Variants in CDK14 observed in about 807,000 individuals in gnomAD.
CDK14 encodes cyclin-dependent kinase 14.
CDK14 carries 34 observed loss-of-function variants against 60.7 expected under a neutral mutation model. The observed-to-expected ratio is 0.56, with a 90% confidence interval of 0.43 to 0.75. CDK14 has a LOEUF of 0.75. Among genes scored for constraint, CDK14 ranks in the 30% least tolerant of loss-of-function variants. CDK14 has a pLI of 0.00. For missense variants in CDK14, 482 were observed against 564.1 expected (o/e 0.85, Z 1.47); for synonymous variants, 197 against 203.7 (o/e 0.97, Z 0.28).
rs897175927 is a variant in CDK14 at position 90,804,321 on chromosome 7, C to G, written c.544+13669C>G. ...AATATTACCAACATGAATCTTTTAC[C>G]TGGAAAAAAGATCTATAATTGTATC... On this transcript the variant is annotated intron_variant, in intron 5 of 14. Coordinates refer to ENST00000380050, the MANE Select transcript of CDK14 (RefSeq NM_001287135.2). Among the ~76,000 whole-genome samples the G allele has an allele frequency of 3.3e-5, 5 of 151,952 alleles. No homozygotes were observed. The East Asian group carries it at 9.6e-4, about 29-fold the overall frequency.
intron 5 of CDK14, among the ~76,000 whole-genome samples, chr7:90,844,195 T>A (rs1790388492): frequency 6.6e-6 from 1 of 152,152 alleles, no homozygotes; most frequent in Non-Finnish European, 1.5e-5. Flanking sequence ...TACTGGAGCC[T>A]GGAGGGAGGT....
rs149807604 is a variant in CDK14, at chr7:90,949,804, A to G, written c.827-5893A>G. 3.4e-3 allele frequency among the ~76,000 whole-genome samples: 523 copies of G among 152,348 alleles called. 6 individuals carry two copies. Among genetic ancestry groups the G allele is most frequent in the African/African-American group, 0.012 (490 of 41,586 alleles). On this transcript the variant is annotated intron_variant, in intron 8 of 14. Transcript: ENST00000380050. ...TGTTACATACAAAGGAAAGAAAAGGATATTTTAATTGTAATCTTGAAACTA... is the reference window on the plus strand; with the variant it reads ...TGTTACATACAAAGGAAAGAAAAGGGTATTTTAATTGTAATCTTGAAACTA...
chr7:90,808,513 T>C (rs1350122148), intron 5 of CDK14, among the ~76,000 whole-genome samples: 1 of 152,130 alleles, frequency 6.6e-6, no homozygotes, highest in African/African-American at 2.4e-5. Context: ...TGCAAAAACA[T>C]GCCAAGTTGT....
In CDK14 at chr7:90,951,345, G is replaced by A. The variant is rs559536815; in HGVS notation, c.827-4352G>A. ...CTCTATAATATAATATGAAACCACT[G>A]ACCAACACAAAGCTTTGGCCCATTT... On this transcript the variant is annotated intron_variant, in intron 8 of 14. Coordinates refer to ENST00000380050, the MANE Select transcript of CDK14 (RefSeq NM_001287135.2). Among the ~76,000 whole-genome samples, 188 of 152,096 alleles carry A rather than the reference G, an allele frequency of 1.2e-3. 1 individual carries two copies. Among genetic ancestry groups the A allele is most frequent in the Non-Finnish European group, 2.5e-3 (168 of 67,996 alleles).
At chr7:91,128,586 G>A (rs1418323746) in intron 14 of CDK14, among the ~76,000 whole-genome samples, 2 of 152,070 alleles carry the variant, frequency 1.3e-5, no homozygotes, top group Non-Finnish European at 2.9e-5. Context: ...AAACCACTTT[G>A]AGGGAAAACA....
chr7:90,969,647 C>A (rs1794861215), intron 9 of CDK14, among the ~76,000 whole-genome samples: 1 of 152,112 alleles, frequency 6.6e-6, no homozygotes, highest in Non-Finnish European at 1.5e-5. Context: ...TCTGCCTGGA[C>A]TATGCTTATT....
chr7:90,845,257 C>G (rs866746796), intron 5 of CDK14, among the ~76,000 whole-genome samples: 1 of 151,998 alleles, frequency 6.6e-6, no homozygotes, highest in Non-Finnish European at 1.5e-5. Flanking sequence ...TGCATATATT[C>G]CTGAGTCTTA....
chr7:90,840,513 G>A (rs1790254327), intron 5 of CDK14, among the ~76,000 whole-genome samples: 1 of 152,168 alleles, frequency 6.6e-6, no homozygotes, highest in Non-Finnish European at 1.5e-5. Context: ...TAAGCAGGGA[G>A]AACAAGAGTT....
chr7:90,946,639 G>A (rs1794109601), intron 8 of CDK14, among the ~76,000 whole-genome samples: 1 of 152,148 alleles, frequency 6.6e-6, no homozygotes, highest in South Asian at 2.1e-4. Context: ...ATGTTTGAAA[G>A]TAGTTGCCTA....
chr7:91,089,962 G>T (rs1398204769), intron 12 of CDK14, among the ~76,000 whole-genome samples: 1 of 152,186 alleles, frequency 6.6e-6, no homozygotes, highest in African/African-American at 2.4e-5. Context: ...TGGTAGTCAA[G>T]TGGGACTTTA....
chr7:90,769,461 TTC>T (rs1294822721), intron 4 of CDK14, among the ~76,000 whole-genome samples: 1 of 121,808 alleles, frequency 8.2e-6, no homozygotes, highest in African/African-American at 3.1e-5. Context: ...TGTGATTTCT[TTC>T]TCTTTTCTTT....
Position 90,872,804 on chromosome 7 carries a change from T to A in CDK14, c.639+9535T>A, listed in dbSNP as rs73222767. Reference sequence around the variant, plus strand: ...TTCTGATCTCCAACTGTTGCTATGGTAAATGCCTGCCTATCCACAAAAGCA... The same window carrying A: ...TTCTGATCTCCAACTGTTGCTATGGAAAATGCCTGCCTATCCACAAAAGCA... On this transcript the variant is annotated intron_variant, in intron 6 of 14. Transcript: ENST00000380050. Among the ~76,000 whole-genome samples, 182 of 152,300 alleles carry A rather than the reference T, an allele frequency of 1.2e-3. 1 individual carries two copies. The highest frequency in any genetic ancestry group is 2.1e-3 in the Non-Finnish European group (141 of 68,004).
intron 14 of CDK14, among the ~76,000 whole-genome samples, chr7:91,190,348 T>C (rs1802322497): frequency 6.6e-6 from 1 of 152,180 alleles, no homozygotes; most frequent in African/African-American, 2.4e-5. Flanking sequence ...TCAGGGAAGC[T>C]GGGAAAGACA....
intron 5 of CDK14, among the ~76,000 whole-genome samples, chr7:90,825,661 T>G (rs1390481928): frequency 1.3e-5 from 2 of 152,178 alleles, no homozygotes; most frequent in Non-Finnish European, 2.9e-5. Context: ...GTTATGCAAA[T>G]TATACGAAAT....
At chr7:91,076,190 C>T (rs144409468) in intron 11 of CDK14, among the ~76,000 whole-genome samples, 1 of 124,086 alleles carries the variant, frequency 8.1e-6, no homozygotes, top group African/African-American at 3.1e-5. Context: ...AAGAACAAAG[C>T]TGGAGGCATC....
chr7:91,052,438 G>C (rs770863102), intron 11 of CDK14, among the ~76,000 whole-genome samples: 8 of 152,144 alleles, frequency 5.3e-5, no homozygotes, highest in Non-Finnish European at 1.0e-4. Flanking sequence ...ATTTTAAAAA[G>C]CAGAGAAGTA....
intron 6 of CDK14, among the ~76,000 whole-genome samples, chr7:90,879,387 A>G (rs1011456969): frequency 6.6e-6 from 1 of 152,198 alleles, no homozygotes; most frequent in Non-Finnish European, 1.5e-5. Context: ...TACTCTTTGT[A>G]TCATTAACAT....
intron 1 of CDK14, among the ~76,000 whole-genome samples, chr7:90,603,966 CTTCT>C (rs1346399959): frequency 6.6e-6 from 1 of 152,158 alleles, no homozygotes; most frequent in Non-Finnish European, 1.5e-5. Context: ...GTTATGTGTG[CTTCT>C]TTCTAATATC....
intron 5 of CDK14, among the ~76,000 whole-genome samples, chr7:90,823,967 C>T (rs1398116623): frequency 6.6e-6 from 1 of 152,124 alleles, no homozygotes; most frequent in Admixed American, 6.5e-5. Context: ...GCTCTCCAAA[C>T]AATAACTCAA....
Sources: allele counts gnomAD v4.1 joint callset (sites outside exome capture counted in the v4.1 genomes callset), GRCh38; gene constraint gnomAD v4.1.1; transcripts MANE v1.5; gene names NCBI Gene and HGNC (gene_info 2026-07-23, HGNC 2026-07-21).